Variants in CELF2 observed in about 807,000 individuals in gnomAD.
The protein encoded by CELF2 is CUG triplet repeat RNA-binding protein 2.
CELF2 carries 8 observed loss-of-function variants against 62.6 expected under a neutral mutation model. The ratio of observed to expected loss-of-function variants is 0.13; its 90% confidence interval spans 0.07 to 0.23. CELF2 has a LOEUF of 0.23. CELF2 is among the 10% of genes least tolerant of loss of function. The probability of loss-of-function intolerance (pLI) is 1.00; values close to 1 mark genes in which losing one functional copy is unlikely to be tolerated. For synonymous variants in CELF2, 258 were observed against 250.0 expected (o/e 1.03, Z -0.30); for missense variants, 333 against 671.0 (o/e 0.50, Z 5.56).
intron 1 of CELF2, among the ~76,000 whole-genome samples, chr10:11,142,980 C>T (rs1228866345): frequency 4.0e-5 from 6 of 149,738 alleles, no homozygotes; most frequent in African/African-American, 7.4e-5. Flanking sequence ...TCACTCCCCT[C>T]GTGATTCTTC....
the CELF2 span, among the ~76,000 whole-genome samples, chr10:10,768,803 A>G: frequency 6.6e-6 from 1 of 151,932 alleles, no homozygotes; most frequent in African/African-American, 2.4e-5. Flanking sequence ...CAAACTCCTG[A>G]CCTCAAGTGA....
At chr10:10,801,162 T>G (rs1308464332) in intron 1 of CELF2, among the ~76,000 whole-genome samples, 1 of 152,202 alleles carries the variant, frequency 6.6e-6, no homozygotes. Context: ...AAGTGAAGTT[T>G]CAGAAACTTG....
intron 2 of CELF2, among the ~76,000 whole-genome samples, chr10:11,205,855 T>A (rs1248658822): frequency 6.6e-6 from 1 of 152,198 alleles, no homozygotes; most frequent in East Asian, 1.9e-4. Flanking sequence ...CCATAAATAT[T>A]AGTTCTCCAG....
chr10:10,996,010 T>C (rs1282180993), intron 2 of CELF2, among the ~76,000 whole-genome samples: 1 of 152,226 alleles, frequency 6.6e-6, no homozygotes, highest in African/African-American at 2.4e-5. Flanking sequence ...AGGTGAACTT[T>C]CCTGTAAGTA....
the CELF2 span, among the ~76,000 whole-genome samples, chr10:10,646,570 A>C: frequency 4.2e-3 from 645 of 152,302 alleles, 3 homozygotes; most frequent in African/African-American, 0.015. Context: ...ACCTCCATGC[A>C]TAATTAAGAA....
At chr10:11,086,823 A>T (rs891597223) in intron 1 of CELF2, among the ~76,000 whole-genome samples, 4 of 152,168 alleles carry the variant, frequency 2.6e-5, no homozygotes, top group Non-Finnish European at 5.9e-5. Context: ...AATTTCATGT[A>T]AAAATATATT....
chr10:10,506,414 A>G, the CELF2 span, among the ~76,000 whole-genome samples: 1 of 152,098 alleles, frequency 6.6e-6, no homozygotes, highest in Admixed American at 6.6e-5. Flanking sequence ...GCTAATATTT[A>G]ATGATCTTCA....
intron 1 of CELF2, among the ~76,000 whole-genome samples, chr10:10,808,768 A>G (rs759027882): frequency 2.6e-5 from 4 of 152,208 alleles, no homozygotes; most frequent in Non-Finnish European, 5.9e-5. Flanking sequence ...GAGGTGCAGA[A>G]TCTTTCTCTC....
the CELF2 span, among the ~76,000 whole-genome samples, chr10:10,657,433 A>G: frequency 2.0e-5 from 3 of 152,150 alleles, no homozygotes; most frequent in African/African-American, 7.2e-5. Flanking sequence ...GGCAAAAACC[A>G]TAATTGCTTT....
At chr10:10,565,932 A>T in the CELF2 span, among the ~76,000 whole-genome samples, 2 of 152,184 alleles carry the variant, frequency 1.3e-5, no homozygotes, top group Non-Finnish European at 1.5e-5. Context: ...ACTTGACTTT[A>T]TGCTTTAGTT....
At chr10:10,890,774 GGAGGCCAAAGCGGGCGGATCGCCT>G (rs2133896209) in intron 1 of CELF2, among the ~76,000 whole-genome samples, 1 of 152,324 alleles carries the variant, frequency 6.6e-6, no homozygotes, top group East Asian at 1.9e-4. Flanking sequence ...CAGCACTTTG[GGAGGCCAAAGCGGGCGGATCGCCT>G]GAGGTGAGGA....
intron 4 of CELF2, among the ~76,000 whole-genome samples, chr10:11,254,579 A>T (rs897764128): frequency 4.6e-5 from 7 of 152,188 alleles, no homozygotes; most frequent in Non-Finnish European, 1.0e-4. Flanking sequence ...ATCATTTTTA[A>T]GCTTACCCAG....
the CELF2 span, among the ~76,000 whole-genome samples, chr10:10,779,176 G>A: frequency 1.3e-5 from 2 of 152,154 alleles, no homozygotes; most frequent in African/African-American, 4.8e-5. Flanking sequence ...CTCACAGACT[G>A]TGTTCATTTG....
chr10:11,151,800 T>G (rs1024261844), intron 1 of CELF2, among the ~76,000 whole-genome samples: 4 of 152,182 alleles, frequency 2.6e-5, no homozygotes, highest in Admixed American at 1.3e-4. Flanking sequence ...ACATAGAATA[T>G]TCTTTCTCCT....
intron 1 of CELF2, among the ~76,000 whole-genome samples, chr10:11,089,760 A>G (rs2047806896): frequency 6.6e-6 from 1 of 152,218 alleles, no homozygotes; most frequent in South Asian, 2.1e-4. Flanking sequence ...CACAATAGCA[A>G]AGACACGGAG....
chr10:11,302,121 A>G lies in CELF2; in HGVS notation c.977-12018A>G, dbSNP rs1218068287. ...GTTTCTTTTCCTCTGGAAGAACAGA[A>G]CCGTAACTTACCACTCTCACCTAGT... On this transcript the variant is annotated intron_variant, in intron 9 of 12. Coordinates refer to ENST00000633077, the MANE Select transcript of CELF2 (RefSeq NM_001326342.2). This position sits in a 1 kb window ranked among gnomAD's most constrained non-coding sequence, Gnocchi z 5.0. 6.6e-6 allele frequency among the ~76,000 whole-genome samples: 1 copy of G among 152,116 alleles called. No homozygotes were observed. Among genetic ancestry groups the G allele is most frequent in the Non-Finnish European group, 1.5e-5 (1 of 68,026 alleles).
chr10:10,587,088 G>A, the CELF2 span, among the ~76,000 whole-genome samples: 1 of 152,106 alleles, frequency 6.6e-6, no homozygotes, highest in African/African-American at 2.4e-5. Flanking sequence ...GAGAGGGTTT[G>A]TCCTAGTATC....
chr10:10,521,932 G>A, the CELF2 span, among the ~76,000 whole-genome samples: 5 of 152,220 alleles, frequency 3.3e-5, no homozygotes, highest in East Asian at 9.7e-4. Flanking sequence ...AGATAATGAG[G>A]ACGGAATGAA....
the CELF2 span, among the ~76,000 whole-genome samples, chr10:10,567,498 C>A: frequency 3.3e-5 from 5 of 151,992 alleles, no homozygotes; most frequent in South Asian, 6.2e-4. Context: ...CAGAATGGGG[C>A]GGGAAAATAA....
Sources: allele counts gnomAD v4.1 joint callset (sites outside exome capture counted in the v4.1 genomes callset), GRCh38; gene constraint gnomAD v4.1.1; non-coding constraint Gnocchi (gnomAD v3.1); transcripts MANE v1.5; gene names NCBI Gene and HGNC (gene_info 2026-07-23, HGNC 2026-07-21).